LHFPL4: variants seen among roughly 807,000 people sequenced by gnomAD.
The protein encoded by LHFPL4 is LHFPL tetraspan subfamily member 4 protein.
A neutral mutation model predicts 20.0 loss-of-function variants in LHFPL4; 6 were observed. The observed-to-expected ratio is 0.30, with a 90% CI of 0.16 to 0.59. The LOEUF (loss-of-function observed/expected upper bound fraction) is 0.59. Ranked by LOEUF, LHFPL4 falls within the 20% of genes least tolerant of loss-of-function variation. LHFPL4 has a pLI of 0.88. For missense variants in LHFPL4, 215 were observed against 331.2 expected (o/e 0.65, Z 2.72); for synonymous variants, 129 against 143.8 (o/e 0.90, Z 0.74).
chr3:9,504,823 T>C (rs9755027), intron 3 of LHFPL4, among the ~76,000 whole-genome samples: 1 of 80,498 alleles, frequency 1.2e-5, no homozygotes, highest in Non-Finnish European at 2.3e-5. Context: ...AGACTCCATC[T>C]CAAAAAAAAA....
intron 2 of LHFPL4, among the ~76,000 whole-genome samples, chr3:9,513,653 T>C (rs1299863252): frequency 6.6e-6 from 1 of 152,206 alleles, no homozygotes; most frequent in Non-Finnish European, 1.5e-5. Flanking sequence ...AAACTGCAAT[T>C]ATTTTGGTTT....
chr3:9,508,772 G>A (rs1467630877), intron 2 of LHFPL4, among the ~76,000 whole-genome samples: 2 of 152,198 alleles, frequency 1.3e-5, no homozygotes, highest in African/African-American at 4.8e-5. Flanking sequence ...GAAGGCAACG[G>A]GGCAGGGGGA....
At chr3:9,530,640 A>G (rs1465749765) in intron 2 of LHFPL4, among the ~76,000 whole-genome samples, 1 of 152,088 alleles carries the variant, frequency 6.6e-6, no homozygotes, top group Non-Finnish European at 1.5e-5. Flanking sequence ...TCATTCAAGA[A>G]CTTTTCCTTT....
intron 2 of LHFPL4, among the ~76,000 whole-genome samples, chr3:9,510,862 C>T (rs1559515388): frequency 1.3e-5 from 2 of 151,676 alleles, no homozygotes; most frequent in Admixed American, 1.3e-4. Flanking sequence ...TCCTTGAACC[C>T]AGGAGGCGGA....
chr3:9,539,769 A>G (rs1342990420), intron 2 of LHFPL4, among the ~76,000 whole-genome samples: 1 of 152,138 alleles, frequency 6.6e-6, no homozygotes, highest in Non-Finnish European at 1.5e-5. Flanking sequence ...ATCAAAGTGG[A>G]AAAATGCCAT....
intron 2 of LHFPL4, among the ~76,000 whole-genome samples, chr3:9,550,014 G>A (rs1045786899): frequency 5.9e-5 from 9 of 152,102 alleles, no homozygotes; most frequent in African/African-American, 2.2e-4. Flanking sequence ...TTATAGGCAT[G>A]AGCCACCATG....
intron 2 of LHFPL4, among the ~76,000 whole-genome samples, chr3:9,507,214 C>T (rs944035630): frequency 9.2e-5 from 14 of 152,204 alleles, no homozygotes; most frequent in African/African-American, 3.4e-4. Flanking sequence ...CCAGGGCCTA[C>T]CATATGCCAG....
At chr3:9,546,557 AT>A (rs2046514638) in intron 2 of LHFPL4, among the ~76,000 whole-genome samples, 1 of 152,182 alleles carries the variant, frequency 6.6e-6, no homozygotes, top group African/African-American at 2.4e-5. Context: ...TGGAATGAGG[AT>A]AGGTCTGGGT....
At chr3:9,533,825 AG>A (rs2046427206) in intron 2 of LHFPL4, among the ~76,000 whole-genome samples, 3 of 151,824 alleles carry the variant, frequency 2.0e-5, no homozygotes, top group Admixed American at 2.0e-4. Flanking sequence ...AGTGACTGGA[AG>A]GGGGAATGAG....
chr3:9,511,620 T>C (rs896679428), intron 2 of LHFPL4, among the ~76,000 whole-genome samples: 16 of 152,226 alleles, frequency 1.1e-4, no homozygotes, highest in Admixed American at 5.2e-4. Flanking sequence ...AGAAAAACAC[T>C]ATAAATGTAG....
chr3:9,506,223 G>A lies in LHFPL4; in HGVS notation c.407-20C>T, dbSNP rs1235596627. 2 of 1,580,734 alleles carry A rather than the reference G, an allele frequency of 1.3e-6. No individual in the cohort carries two copies. The highest frequency in any genetic ancestry group is 1.7e-6 in the Non-Finnish European group (2 of 1,149,760). ...ACAGAGCTGAGGGGCAGAGCACCGG[G>A]CCCACCACCACGGTCAGGAAGGAAG... On this transcript the variant is annotated intron_variant, in intron 2 of 3. Transcript: ENST00000287585. This position sits in a 1 kb window ranked among gnomAD's most constrained non-coding sequence, Gnocchi z 4.5.
chr3:9,511,350 CAAA>C (rs74730069), intron 2 of LHFPL4, among the ~76,000 whole-genome samples: 1 of 122,158 alleles, frequency 8.2e-6, no homozygotes, highest in Non-Finnish European at 1.8e-5. Context: ...GACTCCATCT[CAAA>C]AAAAAAAAAA....
chr3:9,529,994 C>T (rs1162038910), intron 2 of LHFPL4, among the ~76,000 whole-genome samples: 2 of 151,036 alleles, frequency 1.3e-5, no homozygotes, highest in Admixed American at 6.6e-5. Flanking sequence ...ATTGAGTAAA[C>T]CATGCTGTAA....
chr3:9,535,326 A>G (rs1350210317), intron 2 of LHFPL4, among the ~76,000 whole-genome samples: 3 of 152,196 alleles, frequency 2.0e-5, no homozygotes, highest in African/African-American at 7.2e-5. Flanking sequence ...TACTGTTATT[A>G]TCTTCTTTTT....
intron 2 of LHFPL4, among the ~76,000 whole-genome samples, chr3:9,527,264 G>A (rs991272784): frequency 6.6e-6 from 1 of 152,112 alleles, no homozygotes; most frequent in Non-Finnish European, 1.5e-5. Flanking sequence ...TATATTACTT[G>A]TGAAATTTAA....
At chr3:9,539,916 A>G (rs1338177645) in intron 2 of LHFPL4, among the ~76,000 whole-genome samples, 2 of 152,186 alleles carry the variant, frequency 1.3e-5, no homozygotes, top group Non-Finnish European at 2.9e-5. Flanking sequence ...AGTGTTTTCT[A>G]TCAGGGTGGA....
Position 9,502,150 on chromosome 3 carries a change from A to T in LHFPL4, c.*61T>A. ...CCCTCAGAGCTTGAATGGAGTGACG[A>T]GAGGGCAGAAGGCAGGACAAGCTGA... On this transcript the variant is annotated 3_prime_UTR_variant, in exon 4 of 4. Coordinates refer to ENST00000287585, the MANE Select transcript of LHFPL4 (RefSeq NM_198560.3). 8.3e-7 allele frequency: 1 copy of T among 1,197,702 alleles called. No homozygotes were observed. Among genetic ancestry groups the T allele is most frequent in the South Asian group, 1.2e-5 (1 of 81,482 alleles). The allele number at this position is 1,197,702 out of a possible 1,614,324, so 74.2% of individuals were successfully genotyped here.
chr3:9,543,436 C>G (rs1000324108), intron 2 of LHFPL4, among the ~76,000 whole-genome samples: 3 of 151,396 alleles, frequency 2.0e-5, no homozygotes, highest in African/African-American at 7.3e-5. Flanking sequence ...GGAGGCGGAG[C>G]TTGCAGTGAG....
rs1266011994 is a variant in LHFPL4 at position 9,500,326 on chromosome 3, G to T, written c.*1885C>A. On this transcript the variant is annotated 3_prime_UTR_variant, in exon 4 of 4. Coordinates refer to ENST00000287585, the MANE Select transcript of LHFPL4 (RefSeq NM_198560.3). The stretch of plus-strand genomic sequence containing the variant: ...TAACTCGGACCCTCTGTCCCGCAGC[G>T]CCCCTACCCCAGGCCGACTGGACTG... 6.6e-6 allele frequency: 1 copy of T among 152,302 alleles called. No homozygotes were observed. The highest frequency in any genetic ancestry group is 1.5e-5 in the Non-Finnish European group (1 of 68,128). 9.4% of individuals were successfully genotyped at this position (152,302 alleles called of 1,614,324 possible).
Sources: allele counts gnomAD v4.1 joint callset (sites outside exome capture counted in the v4.1 genomes callset), GRCh38; gene constraint gnomAD v4.1.1; non-coding constraint Gnocchi (gnomAD v3.1); transcripts MANE v1.5; gene names NCBI Gene and HGNC (gene_info 2026-07-23, HGNC 2026-07-21).